Variants in FNBP4 observed in about 807,000 individuals in gnomAD.
The protein encoded by FNBP4 is formin binding protein 4, also known as formin-binding protein 4.
A neutral mutation model predicts 119.3 loss-of-function variants in FNBP4; 34 were observed. The observed-to-expected ratio is 0.28, with a 90% CI of 0.22 to 0.38. FNBP4 has a LOEUF of 0.38. FNBP4 is among the 10% of genes least tolerant of loss of function. FNBP4 has a pLI of 1.00. For synonymous variants in FNBP4, 462 were observed against 430.6 expected (o/e 1.07, Z -0.90); for missense variants, 1,112 against 1,228.9 (o/e 0.90, Z 1.42).
chr11:47,753,160 G>A, intron 3 of FNBP4, 58 bp from the exon 4 acceptor site: 1 of 1,411,168 alleles, frequency 7.1e-7, no homozygotes, highest in Non-Finnish European at 9.6e-7. Flanking sequence ...GAAACTTAAG[G>A]AAATGGCAAT....
At chr11:47,747,221 T>C (rs1330852763) in intron 6 of FNBP4, among the ~76,000 whole-genome samples, 3 of 152,078 alleles carry the variant, frequency 2.0e-5, no homozygotes, top group African/African-American at 4.8e-5. Flanking sequence ...GTTTCTGTTT[T>C]TGAGACGAAC....
At chr11:47,745,764 T>C (rs1040908442) in intron 7 of FNBP4, among the ~76,000 whole-genome samples, 1 of 152,046 alleles carries the variant, frequency 6.6e-6, no homozygotes, top group African/African-American at 2.4e-5. Context: ...AGCTGTAAAA[T>C]TCCTCTCATT....
intron 6 of FNBP4, among the ~76,000 whole-genome samples, chr11:47,748,441 C>T (rs1157340848): frequency 6.6e-6 from 1 of 151,636 alleles, no homozygotes; most frequent in Non-Finnish European, 1.5e-5. Flanking sequence ...CTGGAACACA[C>T]TGGCACAATG....
At chr11:47,748,500 G>A (rs935303570) in intron 6 of FNBP4, among the ~76,000 whole-genome samples, 7 of 151,754 alleles carry the variant, frequency 4.6e-5, no homozygotes, top group Non-Finnish European at 1.0e-4. Flanking sequence ...TCTGCCTCCT[G>A]AGTAGCTGGG....
At chr11:47,726,158 T>C (rs1291271803) in intron 12 of FNBP4, 1 of 152,122 alleles carries the variant, frequency 6.6e-6, no homozygotes, top group Non-Finnish European at 1.5e-5. Context: ...AAGGCTCAAT[T>C]ATGAAAGACT....
rs1482510634 is a variant in FNBP4 at position 47,767,197 on chromosome 11, G to C, written c.92C>G (p.Pro31Arg). 1 of 1,562,432 alleles carries C rather than the reference G, an allele frequency of 6.4e-7. No individual in the cohort carries two copies. Among genetic ancestry groups the C allele is most frequent in the South Asian group, 1.2e-5 (1 of 85,402 alleles). Reference protein sequence around the residue: ...GPRGSTPGRDPEPEPDTEPDS... With the variant: ...GPRGSTPGRDREPEPDTEPDS... ...CGGCTCAGTGTCGGGTTCCGGCTCCGGGTCCCGGCCCGGCGTGCTGCCCCG... is the reference window on the plus strand; with the variant it reads ...CGGCTCAGTGTCGGGTTCCGGCTCCCGGTCCCGGCCCGGCGTGCTGCCCCG... Residue 31 changes from proline (P) to arginine (R), a missense_variant, in exon 1 of 17, where the codon CCG (proline) becomes CGG (arginine). This residue lies in a region of FNBP4 where 286 missense variants were observed against 240.1 expected (regional missense o/e 1.19). Transcript: ENST00000263773.
intron 9 of FNBP4, among the ~76,000 whole-genome samples, chr11:47,734,469 A>C (rs190981539): frequency 1.5e-3 from 231 of 152,194 alleles, no homozygotes; most frequent in African/African-American, 5.2e-3. Flanking sequence ...CTCCTGCCTT[A>C]GTCTCCCAAA....
intron 15 of FNBP4, among the ~76,000 whole-genome samples, chr11:47,720,692 C>G (rs2097554691): frequency 1.3e-5 from 2 of 150,900 alleles, no homozygotes; most frequent in African/African-American, 2.4e-5. Flanking sequence ...AAAATATTGC[C>G]TTTATCGCGT....
rs1455997956 is a variant in FNBP4, at chr11:47,732,837, G to A, written c.1687-167C>T. 1.3e-5 allele frequency among the ~76,000 whole-genome samples: 2 copies of A among 152,190 alleles called. No homozygotes were observed. Among genetic ancestry groups the A allele is most frequent in the Non-Finnish European group, 2.9e-5 (2 of 68,034 alleles). On this transcript the variant is annotated intron_variant, in intron 10 of 16. Coordinates refer to ENST00000263773, the MANE Select transcript of FNBP4 (RefSeq NM_015308.5). The surrounding 1 kb of genome is among the most constrained non-coding windows in gnomAD (Gnocchi z 4.2). Reference sequence around the variant, plus strand: ...CTTCATCTCATAAAATAATCTTAAGGCCGGGCATGGTGGCTCACGCCTGTA... The same window carrying A: ...CTTCATCTCATAAAATAATCTTAAGACCGGGCATGGTGGCTCACGCCTGTA...
At chr11:47,720,863 G>A (rs936490457) in intron 15 of FNBP4, among the ~76,000 whole-genome samples, 3 of 151,810 alleles carry the variant, frequency 2.0e-5, no homozygotes, top group African/African-American at 2.4e-5. Context: ...GTGGGCGACT[G>A]TAGTCCCAGC....
chr11:47,736,067 G>A (rs2135131887), intron 9 of FNBP4, among the ~76,000 whole-genome samples: 1 of 99,534 alleles, frequency 1.0e-5, no homozygotes, highest in African/African-American at 3.3e-5. Flanking sequence ...AACAGAGCGA[G>A]ACTCCGACTC....
At chr11:47,745,863 T>C (rs1334021173) in intron 7 of FNBP4, among the ~76,000 whole-genome samples, 193 bp downstream of exon 7, 4 of 152,124 alleles carry the variant, frequency 2.6e-5, no homozygotes, top group African/African-American at 9.7e-5. Context: ...CCCCGATAAC[T>C]ACCAAAAGTA....
In FNBP4 at chr11:47,724,827, G is replaced by A. The variant is rs943407819; in HGVS notation, c.2009-49C>T. On this transcript the variant is annotated intron_variant, in intron 12 of 16. Transcript: ENST00000263773. ...GGAAAAAGCAAGAAAAAAACTCCCT[G>A]GCTTATATTCATAGAAATGTTCAAC... is the stretch of plus-strand genomic sequence containing the variant. The A allele has an allele frequency of 3.2e-5, 48 of 1,515,002 alleles. No homozygotes were observed. In the East Asian group the frequency reaches 1.0e-3, roughly 33 times the overall value. The allele number at this position is 1,515,002 out of a possible 1,614,324, so 93.8% of individuals were successfully genotyped here. A position where few individuals can be genotyped will look rare whatever the true frequency, so the allele number is the denominator to read the frequency against.
At chr11:47,765,553 T>C (rs1478843342) in intron 1 of FNBP4, among the ~76,000 whole-genome samples, 191 bp from the exon 2 acceptor site, 1 of 54,110 alleles carries the variant, frequency 1.8e-5, no homozygotes, top group East Asian at 5.1e-4. Context: ...TCCCAGCACT[T>C]TGGGAGGCCA....
intron 16 of FNBP4, among the ~76,000 whole-genome samples, chr11:47,718,261 TG>T (rs1258834265): frequency 1.3e-5 from 2 of 152,050 alleles, no homozygotes; most frequent in African/African-American, 4.8e-5. Context: ...TTGCCCAGAC[TG>T]GAGTGCAGTG....
intron 6 of FNBP4, among the ~76,000 whole-genome samples, chr11:47,750,381 CAAAAAAAA>C (rs59583797): frequency 8.1e-5 from 2 of 24,752 alleles, no homozygotes; most frequent in Non-Finnish European, 1.3e-4. Context: ...GACTCCATAT[CAAAAAAAA>C]AAAAAAAAAA....
At chr11:47,757,597 G>A (rs909493886) in intron 2 of FNBP4, among the ~76,000 whole-genome samples, 1 of 149,786 alleles carries the variant, frequency 6.7e-6, no homozygotes, top group African/African-American at 2.5e-5. Flanking sequence ...GGGTTCATGC[G>A]ATTCTCCTGC....
chr11:47,720,200 AAAAG>A, intron 15 of FNBP4, 114 bp from the exon 16 acceptor site: 2 of 928,824 alleles, frequency 2.2e-6, no homozygotes, highest in East Asian at 5.6e-5. Context: ...CACACTTTAA[AAAAG>A]AAAGTAAATA....
chr11:47,758,255 T>G (rs1341919867), intron 2 of FNBP4, among the ~76,000 whole-genome samples: 1 of 152,190 alleles, frequency 6.6e-6, no homozygotes, highest in Non-Finnish European at 1.5e-5. Context: ...TGGCTAACTT[T>G]GGTAGAGACG....
Sources: allele counts gnomAD v4.1 joint callset (sites outside exome capture counted in the v4.1 genomes callset), GRCh38; gene constraint gnomAD v4.1.1; regional missense constraint gnomAD v4.1.1; non-coding constraint Gnocchi (gnomAD v3.1); transcripts MANE v1.5; gene names NCBI Gene and HGNC (gene_info 2026-07-23, HGNC 2026-07-21).